CCDC85C: variants seen among roughly 807,000 people sequenced by gnomAD.
The protein encoded by CCDC85C is coiled-coil domain-containing protein 85C.
In CCDC85C, 18 loss-of-function variants were observed where a neutral mutation model predicts 38.3. The ratio of observed to expected loss-of-function variants is 0.47; its 90% CI spans 0.33 to 0.70. The LOEUF (loss-of-function observed/expected upper bound fraction) is 0.70. Among genes scored for constraint, CCDC85C ranks in the 30% least tolerant of loss-of-function variants. The probability of loss-of-function intolerance (pLI) is 0.03; values close to 1 mark genes in which losing one functional copy is unlikely to be tolerated. For missense variants in CCDC85C, 566 were observed against 621.2 expected (o/e 0.91, Z 0.94); for synonymous variants, 264 against 293.8 (o/e 0.90, Z 1.04).
At chr14:99,574,101 T>C (rs1898418091) in intron 1 of CCDC85C, among the ~76,000 whole-genome samples, 1 of 152,078 alleles carries the variant, frequency 6.6e-6, no homozygotes. Context: ...GGAGTTAAAT[T>C]CTGAGACAGG....
intron 3 of CCDC85C, among the ~76,000 whole-genome samples, chr14:99,519,926 C>T (rs961493919): frequency 3.9e-5 from 6 of 152,122 alleles, no homozygotes; most frequent in Admixed American, 3.3e-4. Context: ...GAGTGACGGC[C>T]GATGGGTACA....
intron 1 of CCDC85C, among the ~76,000 whole-genome samples, chr14:99,598,856 G>C (rs1036932478): frequency 6.6e-6 from 1 of 152,286 alleles, no homozygotes; most frequent in African/African-American, 2.4e-5. Context: ...ATTGGGACTG[G>C]GATGCTGTTT....
Position 99,500,502 on chromosome 14 carries a change from AAAT to A in CCDC85C, c.*14741_*14743del, listed in dbSNP as rs762035550. 1.6e-5 allele frequency: 6 copies of A among 374,184 alleles called. No individual in the cohort carries two copies. The highest frequency in any genetic ancestry group is 2.9e-5 in the Non-Finnish European group (6 of 209,138). The allele number at this position is 374,184 out of a possible 1,614,324, so 23.2% of individuals were successfully genotyped here. ...AAAGGGAGACTCATGTATGTATTGA[AAAT>A]AATAATATTTTTAAGGATCTTTTGT... is the stretch of plus-strand genomic sequence containing the variant. On this transcript the variant is annotated 3_prime_UTR_variant, in exon 6 of 6. Coordinates refer to ENST00000380243, the MANE Select transcript of CCDC85C (RefSeq NM_001144995.2).
At chr14:99,530,599 A>G (rs1897473862) in intron 2 of CCDC85C, among the ~76,000 whole-genome samples, 1 of 152,226 alleles carries the variant, frequency 6.6e-6, no homozygotes, top group African/African-American at 2.4e-5. Flanking sequence ...AAGGGCTCAG[A>G]ACTCAAAGGA....
chr14:99,538,542 G>A (rs888568406), intron 1 of CCDC85C, among the ~76,000 whole-genome samples: 1 of 152,200 alleles, frequency 6.6e-6, no homozygotes, highest in Non-Finnish European at 1.5e-5. Flanking sequence ...CTTGTTCTCT[G>A]CCCTTCGCTG....
At chr14:99,531,733 G>A (rs532114689) in intron 2 of CCDC85C, among the ~76,000 whole-genome samples, 8 of 151,858 alleles carry the variant, frequency 5.3e-5, no homozygotes, top group Admixed American at 3.9e-4. Context: ...CCTGCTTTGC[G>A]CAGAGGTGGG....
At chr14:99,564,731 T>C (rs1346071804) in intron 1 of CCDC85C, among the ~76,000 whole-genome samples, 2 of 152,130 alleles carry the variant, frequency 1.3e-5, no homozygotes, top group Non-Finnish European at 2.9e-5. Flanking sequence ...CAGGCCCATC[T>C]CACAACAGCA....
chr14:99,603,458 CG>C lies in CCDC85C; in HGVS notation c.501del (p.Gly168AlafsTer19). ...GAGCCGGCGCCGCCCCCGCCGCCGC[CG>C]CCACCGCTTGCGGCCCCCGTCGCCG... The part of the protein sequence containing the change: ...ALAATGAASG[G>X]GGGGGGAGSR... On this transcript the variant is annotated frameshift_variant, in exon 1 of 6. Coordinates refer to ENST00000380243, the MANE Select transcript of CCDC85C (RefSeq NM_001144995.2). LOFTEE classifies it high-confidence loss of function. This position sits in a 1 kb window ranked among gnomAD's most constrained non-coding sequence, Gnocchi z 7.5. The C allele has an allele frequency of 7.8e-7, 1 of 1,281,412 alleles. No individual in the cohort carries two copies. The highest frequency in any genetic ancestry group is 2.6e-5 in the South Asian group (1 of 38,112). 79.4% of individuals were successfully genotyped at this position (1,281,412 alleles called of 1,614,324 possible).
At chr14:99,554,227 T>C (rs1423244594) in intron 1 of CCDC85C, among the ~76,000 whole-genome samples, 3 of 151,970 alleles carry the variant, frequency 2.0e-5, no homozygotes, top group African/African-American at 4.8e-5. Flanking sequence ...AGCTCCCCCA[T>C]GGCACTGTGC....
chr14:99,600,709 TC>T (rs1392367329), intron 1 of CCDC85C, among the ~76,000 whole-genome samples: 1 of 69,782 alleles, frequency 1.4e-5, no homozygotes, highest in Non-Finnish European at 5.7e-5. Context: ...TAATACTGCT[TC>T]CCCAGGGTTC....
At chr14:99,526,746 G>C (rs2139906263) in intron 2 of CCDC85C, among the ~76,000 whole-genome samples, 1 of 152,344 alleles carries the variant, frequency 6.6e-6, no homozygotes, top group African/African-American at 2.4e-5. Flanking sequence ...TAAACGCAGG[G>C]CCTCAGTGGC....
chr14:99,526,853 C>T (rs954694819), intron 2 of CCDC85C, among the ~76,000 whole-genome samples: 8 of 152,262 alleles, frequency 5.3e-5, no homozygotes, highest in Non-Finnish European at 1.0e-4. Flanking sequence ...GGCTCGAATG[C>T]GTGACTTGGG....
intron 1 of CCDC85C, among the ~76,000 whole-genome samples, chr14:99,593,333 G>A (rs1323196424): frequency 2.0e-5 from 3 of 152,218 alleles, no homozygotes; most frequent in African/African-American, 7.2e-5. Context: ...TTTTGGAAAT[G>A]GGTCGACTCT....
chr14:99,540,764 C>T (rs1897697066), intron 1 of CCDC85C, among the ~76,000 whole-genome samples: 2 of 152,216 alleles, frequency 1.3e-5, no homozygotes, highest in African/African-American at 4.8e-5. Flanking sequence ...GACCTAAGCT[C>T]CCCTCACCCC....
chr14:99,511,518 CCTTT>C lies in CCDC85C; in HGVS notation c.*3724_*3727del, dbSNP rs1256727190. On this transcript the variant is annotated 3_prime_UTR_variant, in exon 6 of 6. Coordinates refer to ENST00000380243, the MANE Select transcript of CCDC85C (RefSeq NM_001144995.2). Reference sequence around the variant, plus strand: ...AAATAAAAGCAGTTCTGAAACTATCCCTTTCTTTGTTATGGGTGGAAGGTGGGGC... The same window carrying C: ...AAATAAAAGCAGTTCTGAAACTATCCCTTTGTTATGGGTGGAAGGTGGGGC... 2 of 152,544 alleles carry C rather than the reference CCTTT, an allele frequency of 1.3e-5. No homozygotes were observed. Among genetic ancestry groups the C allele is most frequent in the Non-Finnish European group, 2.9e-5 (2 of 68,046 alleles). 9.4% of individuals were successfully genotyped at this position (152,544 alleles called of 1,614,324 possible). A position where few individuals can be genotyped will look rare whatever the true frequency, so the allele number is the denominator to read the frequency against.
chr14:99,598,934 G>A (rs1265242171), intron 1 of CCDC85C, among the ~76,000 whole-genome samples: 1 of 152,166 alleles, frequency 6.6e-6, no homozygotes, highest in Admixed American at 6.5e-5. Flanking sequence ...AGCCTCTCAA[G>A]GCCAGCCCTC....
At position 99,546,063 on chromosome 14, in the gene CCDC85C, G is replaced by C. The variant is rs561227843; in HGVS notation, c.794-9975C>G. Among the ~76,000 whole-genome samples the C allele has an allele frequency of 6.6e-5, 10 of 152,148 alleles. No individual in the cohort carries two copies. In the East Asian group the frequency reaches 7.8e-4, roughly 12 times the overall value. ...CGCAGGACTGAAGTCTGCATGGGGG[G>C]GGGGAATAAACAACCCTTACCGAGC... On this transcript the variant is annotated intron_variant, in intron 1 of 5. Transcript: ENST00000380243.
chr14:99,589,945 G>C (rs1195099875), intron 1 of CCDC85C, among the ~76,000 whole-genome samples: 2 of 152,192 alleles, frequency 1.3e-5, no homozygotes, highest in African/African-American at 4.8e-5. Context: ...CAGACCCCGG[G>C]GATGGCTGCT....
chr14:99,500,876 GA>G lies in CCDC85C; in HGVS notation c.*14369del. 1 of 1,485,788 alleles carries G rather than the reference GA, an allele frequency of 6.7e-7. No homozygotes were observed. The highest frequency in any genetic ancestry group is 9.1e-7 in the Non-Finnish European group (1 of 1,099,250). 92.0% of individuals were successfully genotyped at this position (1,485,788 alleles called of 1,614,324 possible). A position where few individuals can be genotyped will look rare whatever the true frequency, so the allele number is the denominator to read the frequency against. ...AATATGCAAAGCAACTCAAAGGTAA[GA>G]AGAAAGTTTTCAGAAGAATTTTTTC... On this transcript the variant is annotated 3_prime_UTR_variant, in exon 6 of 6. Transcript: ENST00000380243.
Sources: gnomAD v4.1 joint callset for allele counts (sites outside exome capture counted in the v4.1 genomes callset) on GRCh38, gnomAD v4.1.1 for gene constraint, Gnocchi (gnomAD v3.1) non-coding constraint, MANE v1.5 for transcripts, NCBI Gene and HGNC (gene_info 2026-07-23, HGNC 2026-07-21) for gene names.